The following RACGAP1 variants were observed in gnomAD, a reference collection of about 807,000 sequenced individuals.
RACGAP1 encodes rac GTPase-activating protein 1.
Under a neutral mutation model 78.1 loss-of-function variants are expected in RACGAP1, and 30 were observed. The ratio of observed to expected loss-of-function variants is 0.38; its 90% CI spans 0.29 to 0.52. RACGAP1 has a LOEUF of 0.52. Among genes scored for constraint, RACGAP1 ranks in the 20% least tolerant of loss-of-function variants. The probability of loss-of-function intolerance (pLI) is 0.82; values close to 1 mark genes in which losing one functional copy is unlikely to be tolerated. For synonymous variants in RACGAP1, 231 were observed against 264.8 expected, an observed-to-expected ratio of 0.87 and a Z score of 1.24; for missense variants, 587 against 777.1, an observed-to-expected ratio of 0.76 and a Z score of 2.91.
chr12:50,009,429 G>A (rs1223404957), intron 2 of RACGAP1, among the ~76,000 whole-genome samples: 1 of 150,836 alleles, frequency 6.6e-6, no homozygotes, highest in Non-Finnish European at 1.5e-5. Flanking sequence ...TTGGTTCATA[G>A]CTCAGCAAGC....
At chr12:50,019,231 T>A (rs1039212837) in intron 1 of RACGAP1, among the ~76,000 whole-genome samples, 1 of 152,128 alleles carries the variant, frequency 6.6e-6, no homozygotes, top group Non-Finnish European at 1.5e-5. Flanking sequence ...TTGCACTCCC[T>A]TCCTCCAGTC....
rs1949428825 is a variant in RACGAP1, at chr12:50,012,758, C to A, written c.85+3873G>T. ...TGGGCAACAGAGTGAGACTCTGTTTCAAAAAAAATAAAAAATAAATGAGGG... is the reference window on the plus strand; with the variant it reads ...TGGGCAACAGAGTGAGACTCTGTTTAAAAAAAAATAAAAAATAAATGAGGG... On this transcript the variant is annotated intron_variant, in intron 2 of 16. Transcript: ENST00000312377. 4.2e-5 allele frequency among the ~76,000 whole-genome samples: 6 copies of A among 144,534 alleles called. No homozygotes were observed. In the South Asian group the frequency reaches 1.1e-3, roughly 26 times the overall value. 94.8% of individuals were successfully genotyped at this position (144,534 alleles called of 152,430 possible). A position where few individuals can be genotyped will look rare whatever the true frequency, so the allele number is the denominator to read the frequency against.
chr12:49,994,343 G>A lies in RACGAP1; in HGVS notation c.1141-14C>T, dbSNP rs771074817. On this transcript the variant is annotated splice_polypyrimidine_tract_variant and intron_variant, in intron 11 of 16. Coordinates refer to ENST00000312377, the MANE Select transcript of RACGAP1 (RefSeq NM_001319999.2). Reference sequence around the variant, plus strand: ...ATACAGGCCTGTCTATTATCAAGATGACATTTTTATTTAAAAACCTCCGAA... The same window carrying A: ...ATACAGGCCTGTCTATTATCAAGATAACATTTTTATTTAAAAACCTCCGAA... 9 of 1,612,498 alleles carry A rather than the reference G, an allele frequency of 5.6e-6. No individual in the cohort carries two copies. The South Asian group carries it at 9.9e-5, about 18-fold the overall frequency.
intron 2 of RACGAP1, among the ~76,000 whole-genome samples, chr12:50,031,496 A>AT (rs1950335000): frequency 6.7e-6 from 1 of 150,306 alleles, no homozygotes; most frequent in Non-Finnish European, 1.5e-5. Context: ...AAAAAAAAAA[A>AT]AAAAGACCAA....
At position 50,005,165 on chromosome 12, in the gene RACGAP1, TAGA is replaced by T. The variant is rs1433103913; in HGVS notation, c.425+88_425+90del. On this transcript the variant is annotated intron_variant, in intron 4 of 16. Transcript: ENST00000312377. ...TTTCTGCTTTTTTCAGCACACATTC[TAGA>T]AGAAGTATATTTAAGAATTCAGATA... 358 of 1,564,876 alleles carry T rather than the reference TAGA, an allele frequency of 2.3e-4. 2 individuals carry two copies. The East Asian group carries it at 6.8e-3, about 30-fold the overall frequency.
intron 9 of RACGAP1, among the ~76,000 whole-genome samples, chr12:49,998,922 C>A (rs1215890823): frequency 4.0e-5 from 6 of 151,406 alleles, no homozygotes; most frequent in Non-Finnish European, 7.4e-5. Flanking sequence ...AAAGTACTAA[C>A]AATTGCTTCA....
At position 49,997,096 on chromosome 12, in the gene RACGAP1, G is replaced by A. The variant is rs765257119; in HGVS notation, c.988C>T (p.Arg330Cys). 1.4e-5 allele frequency: 23 copies of A among 1,607,186 alleles called. No individual in the cohort carries two copies. Among genetic ancestry groups the A allele is most frequent in the Middle Eastern group, 1.6e-4 (1 of 6,062 alleles). The change falls in exon 10 of 17, where the codon CGC becomes TGC. Residue 330 changes from arginine to cysteine, a missense_variant. Physicochemically the swap from Arg to Cys is radical, Grantham distance 180. Transcript: ENST00000312377. ...RVVSHPECRDRCPLPCIPTLI... is the reference protein window; with the variant it reads ...RVVSHPECRDCCPLPCIPTLI... Reference sequence around the variant, plus strand: ...GTAGGAATGCAGGGAAGGGGACAGCGGTCCCGACATTCTGGATGAGAGACC... The same window carrying A: ...GTAGGAATGCAGGGAAGGGGACAGCAGTCCCGACATTCTGGATGAGAGACC...
At chr12:50,002,577 C>T (rs1278080101) in intron 5 of RACGAP1, 2 of 304,900 alleles carry the variant, frequency 6.6e-6, no homozygotes, top group African/African-American at 4.3e-5. Context: ...TGCCATATTT[C>T]CAGTGGCTGA....
At chr12:50,022,575 T>C (rs1478913207) in intron 1 of RACGAP1, among the ~76,000 whole-genome samples, 3 of 151,914 alleles carry the variant, frequency 2.0e-5, no homozygotes, top group African/African-American at 4.8e-5. Context: ...AGAGTGAAAC[T>C]CTGTCTCAAA....
At chr12:50,002,181 C>T in intron 6 of RACGAP1, 66 bp downstream of exon 6, 1 of 1,437,344 alleles carries the variant, frequency 7.0e-7, no homozygotes, top group Non-Finnish European at 9.7e-7. Flanking sequence ...AGTATCATGG[C>T]AAAATTTCCA....
intron 10 of RACGAP1, among the ~76,000 whole-genome samples, chr12:49,996,811 G>A (rs923240048): frequency 6.6e-6 from 1 of 151,696 alleles, no homozygotes; most frequent in East Asian, 1.9e-4. Flanking sequence ...AGGAGAAGCA[G>A]GGAAGAGCAA....
At chr12:50,013,889 T>C (rs1459063683) in intron 2 of RACGAP1, among the ~76,000 whole-genome samples, 6 of 152,194 alleles carry the variant, frequency 3.9e-5, no homozygotes, top group Non-Finnish European at 7.3e-5. Flanking sequence ...AGTTTTAATA[T>C]CTCTTATTCC....
intron 2 of RACGAP1, among the ~76,000 whole-genome samples, chr12:50,009,770 C>T (rs1482940237): frequency 2.6e-5 from 4 of 152,198 alleles, no homozygotes; most frequent in African/African-American, 9.7e-5. Flanking sequence ...CTGTCCCTGC[C>T]CCCAGAACAG....
Position 50,031,659 on chromosome 12 carries a change from A to G in RACGAP1, c.-24+38T>C, listed in dbSNP as rs1009195103. 104 of 984,464 alleles carry G rather than the reference A, an allele frequency of 1.1e-4. 1 individual carries two copies. The African/African-American group carries it at 1.7e-3, about 16-fold the overall frequency. The allele number at this position is 984,464 out of a possible 1,614,324, so 61.0% of individuals were successfully genotyped here. ...GCCAGCACTCTCCGGAACTTCCCGA[A>G]CTTCCAGTGCCTCTTCACCAGGATA... On this transcript the variant is annotated intron_variant, in intron 2 of 3. Coordinates refer to the RACGAP1 transcript ENST00000548247.
chr12:50,012,362 C>G (rs906069815), intron 2 of RACGAP1, among the ~76,000 whole-genome samples: 4 of 151,706 alleles, frequency 2.6e-5, no homozygotes, highest in African/African-American at 9.7e-5. Context: ...AGATTGAGAC[C>G]ATCCTGGCTA....
At position 49,991,382 on chromosome 12, in the gene RACGAP1, GATAA is replaced by G. The variant is rs566895865; in HGVS notation, c.1715-594_1715-591del. 5.3e-4 allele frequency among the ~76,000 whole-genome samples: 72 copies of G among 136,500 alleles called. 1 individual carries two copies. Among genetic ancestry groups the G allele is most frequent in the African/African-American group, 1.9e-3 (70 of 37,164 alleles). The allele number at this position is 136,500 out of a possible 152,430, so 89.5% of individuals were successfully genotyped here. On this transcript the variant is annotated intron_variant, in intron 15 of 16. Coordinates refer to ENST00000312377, the MANE Select transcript of RACGAP1 (RefSeq NM_001319999.2). ...TACCTACTAGAACATTTAAGTAAATGATAAATAAGATTATACATGAGAAAAAGTT... is the reference window on the plus strand; with the variant it reads ...TACCTACTAGAACATTTAAGTAAATGATAAGATTATACATGAGAAAAAGTT...
upstream of RACGAP1, among the ~76,000 whole-genome samples, chr12:50,029,311 G>A (rs181674311): frequency 1.3e-5 from 2 of 151,948 alleles, no homozygotes; most frequent in African/African-American, 4.8e-5. Context: ...ACTTGAACCC[G>A]GCAGGCAGAG....
chr12:50,021,449 A>C (rs909764067), intron 1 of RACGAP1, among the ~76,000 whole-genome samples: 1 of 152,208 alleles, frequency 6.6e-6, no homozygotes, highest in African/African-American at 2.4e-5. Context: ...CAATCTGGAA[A>C]CACCATGAAA....
At chr12:50,010,340 A>G (rs1243717313) in intron 2 of RACGAP1, among the ~76,000 whole-genome samples, 2 of 129,104 alleles carry the variant, frequency 1.5e-5, no homozygotes, top group African/African-American at 7.0e-5. Flanking sequence ...TTTCTTTTTT[A>G]AGAGATGGAG....
Sources: allele counts gnomAD v4.1 joint callset (sites outside exome capture counted in the v4.1 genomes callset), GRCh38; gene constraint gnomAD v4.1.1; transcripts MANE v1.5; gene names NCBI Gene and HGNC (gene_info 2026-07-23, HGNC 2026-07-21).